NMRK1: variants seen among roughly 807,000 people sequenced by gnomAD.
NMRK1 encodes nicotinamide riboside kinase 1.
A neutral mutation model predicts 29.9 loss-of-function variants in NMRK1; 28 were observed. The observed-to-expected ratio is 0.94, with a 90% CI of 0.69 to 1.28. The LOEUF (loss-of-function observed/expected upper bound fraction) is 1.28. Among genes scored for constraint, NMRK1 ranks in the 50% most tolerant of loss-of-function variants. The pLI, the probability that NMRK1 is intolerant of heterozygous loss-of-function variation, is 0.00. For missense variants in NMRK1, 218 were observed against 233.1 expected, an observed-to-expected ratio of 0.94 and a Z score of 0.42; for synonymous variants, 58 against 73.0, an observed-to-expected ratio of 0.79 and a Z score of 1.05.
intron 1 of NMRK1, among the ~76,000 whole-genome samples, chr9:75,084,236 T>A (rs1270915443): frequency 6.6e-6 from 1 of 151,664 alleles, no homozygotes. Flanking sequence ...CTCAGGGGGG[T>A]TGCCAGGGAC....
intron 4 of NMRK1, among the ~76,000 whole-genome samples, chr9:75,074,088 C>T (rs1417718623): frequency 6.6e-6 from 1 of 151,444 alleles, no homozygotes; most frequent in Non-Finnish European, 1.5e-5. Context: ...GACAGAGTCT[C>T]GCTCTGTTGC....
At chr9:75,079,115 T>C (rs1030662608) in intron 2 of NMRK1, among the ~76,000 whole-genome samples, 1 of 152,118 alleles carries the variant, frequency 6.6e-6, no homozygotes, top group Non-Finnish European at 1.5e-5. Context: ...AAAGGGAAAA[T>C]GAACTAATAT....
intron 1 of NMRK1, chr9:75,087,566 C>T (rs1169429879): frequency 1.3e-5 from 2 of 151,380 alleles, no homozygotes; most frequent in East Asian, 1.9e-4. Flanking sequence ...GTAATTTTCA[C>T]GTGTCACAAA....
chr9:75,070,100 C>G, intron 4 of NMRK1, 58 bp from the exon 5 acceptor site: 1 of 1,442,772 alleles, frequency 6.9e-7, no homozygotes, highest in South Asian at 1.2e-5. Context: ...TGTGATGTGA[C>G]TTTTTGTGAT....
intron 7 of NMRK1, chr9:75,067,106 A>G (rs577203211): frequency 3.3e-6 from 1 of 301,492 alleles, no homozygotes; most frequent in South Asian, 7.2e-5. Flanking sequence ...AGAAAGAAGA[A>G]AGGAGGAAAG....
At chr9:75,066,923 T>C in intron 7 of NMRK1, 83 bp from the exon 8 acceptor site, 1 of 764,974 alleles carries the variant, frequency 1.3e-6, no homozygotes. Flanking sequence ...ACATCTCTTG[T>C]AAATGCCAAT....
At chr9:75,082,135 T>C (rs1587404236) in intron 2 of NMRK1, among the ~76,000 whole-genome samples, 1 of 152,182 alleles carries the variant, frequency 6.6e-6, no homozygotes, top group Non-Finnish European at 1.5e-5. Context: ...ATAATCAAAA[T>C]GTTCTGTATG....
rs560970836 is a variant in NMRK1, at chr9:75,069,833, A to G, written c.318-20T>C. 2.5e-6 allele frequency: 4 copies of G among 1,612,062 alleles called. No homozygotes were observed. The highest frequency in any genetic ancestry group is 3.4e-5 in the Admixed American group (2 of 59,632). ...AGGGGCCTAAAATAACAGCATACTTAGTTCACAAGGGTTTTTATCCCCCCA... is the reference window on the plus strand; with the variant it reads ...AGGGGCCTAAAATAACAGCATACTTGGTTCACAAGGGTTTTTATCCCCCCA... On this transcript the variant is annotated intron_variant, in intron 5 of 8. Transcript: ENST00000361092.
intron 1 of NMRK1, among the ~76,000 whole-genome samples, chr9:75,086,874 G>T (rs1308767840): frequency 2.7e-5 from 4 of 149,260 alleles, no homozygotes; most frequent in Non-Finnish European, 5.9e-5. Flanking sequence ...TTTAAACTTT[G>T]CTCCCTTTTG....
chr9:75,061,700 T>A, intron 8 of NMRK1, 133 bp from the exon 9 acceptor site: 1 of 684,684 alleles, frequency 1.5e-6, no homozygotes, highest in Non-Finnish European at 2.5e-6. Flanking sequence ...TGGTTTCCTG[T>A]AAAGAACTAA....
intron 4 of NMRK1, among the ~76,000 whole-genome samples, chr9:75,072,189 T>C (rs1210741550): frequency 6.6e-6 from 1 of 152,176 alleles, no homozygotes; most frequent in East Asian, 1.9e-4. Flanking sequence ...ACTTCTCCTG[T>C]ATATGTAGGA....
chr9:75,061,451 A>T lies in NMRK1; in HGVS notation c.*97T>A, dbSNP rs1823014377. 1 of 891,814 alleles carries T rather than the reference A, an allele frequency of 1.1e-6. No individual in the cohort carries two copies. The highest frequency in any genetic ancestry group is 1.5e-5 in the South Asian group (1 of 68,436). The allele number at this position is 891,814 out of a possible 1,614,324, so 55.2% of individuals were successfully genotyped here. A position where few individuals can be genotyped will look rare whatever the true frequency, so the allele number is the denominator to read the frequency against. ...TCAAACATATGAAACAATGGCTGTC[A>T]TTGTACCACAGTATACATTGTATCT... is the stretch of plus-strand genomic sequence containing the variant. On this transcript the variant is annotated 3_prime_UTR_variant, in exon 9 of 9. Transcript: ENST00000361092.
At chr9:75,071,789 G>A (rs1823714733) in intron 4 of NMRK1, among the ~76,000 whole-genome samples, 1 of 152,188 alleles carries the variant, frequency 6.6e-6, no homozygotes, top group Non-Finnish European at 1.5e-5. Context: ...CTAGTTGTGG[G>A]TAGAAGTTCA....
chr9:75,082,259 A>C (rs1211665536), intron 2 of NMRK1, among the ~76,000 whole-genome samples: 1 of 152,224 alleles, frequency 6.6e-6, no homozygotes, highest in Non-Finnish European at 1.5e-5. Context: ...GAGAAACACA[A>C]GAGAAGTACT....
At chr9:75,085,836 C>A (rs549359314) in intron 1 of NMRK1, among the ~76,000 whole-genome samples, 1 of 140,810 alleles carries the variant, frequency 7.1e-6, no homozygotes, top group South Asian at 2.3e-4. Flanking sequence ...GCTGGGCATA[C>A]CCTATCAGCT....
intron 2 of NMRK1, chr9:75,078,455 C>A (rs1399881905): frequency 1.3e-6 from 2 of 1,510,384 alleles, no homozygotes; most frequent in South Asian, 1.3e-5. Context: ...ACTGTGAAGT[C>A]CAGGAGAAGG....
At position 75,071,505 on chromosome 9, in the gene NMRK1, G is replaced by A. The variant is rs76563472; in HGVS notation, c.170-1463C>T. ...ATCATGGTATTGGTGTCTGTTGATT[G>A]GTTTTTCTTAGTCAAGTTGAGACTT... On this transcript the variant is annotated intron_variant, in intron 4 of 8. Transcript: ENST00000361092. Among the ~76,000 whole-genome samples, 1,021 of 152,214 alleles carry A rather than the reference G, an allele frequency of 6.7e-3. 15 individuals are homozygous for A. Among genetic ancestry groups the A allele is most frequent in the African/African-American group, 0.023 (974 of 41,508 alleles).
At chr9:75,087,336 C>T (rs905244867) in intron 1 of NMRK1, among the ~76,000 whole-genome samples, 10 of 152,104 alleles carry the variant, frequency 6.6e-5, no homozygotes, top group Admixed American at 5.9e-4. Flanking sequence ...CATTGGCTTC[C>T]TTGTGTGCTC....
In NMRK1 at chr9:75,066,753, T is replaced by A. The variant is rs758670450; in HGVS notation, c.580+4A>T. The A allele has an allele frequency of 1.2e-5, 18 of 1,535,568 alleles. No homozygotes were observed. The East Asian group carries it at 3.4e-4, about 29-fold the overall frequency. ...ACCATCCACTTTGTTAGCACAATAC[T>A]TACACTTTTGCTTTGCTAGTTCTTG... On this transcript the variant is annotated splice_donor_region_variant and intron_variant, in intron 8 of 8. Transcript: ENST00000361092.
Sources: gnomAD v4.1 joint callset for allele counts (sites outside exome capture counted in the v4.1 genomes callset) on GRCh38, gnomAD v4.1.1 for gene constraint, MANE v1.5 for transcripts, NCBI Gene and HGNC (gene_info 2026-07-23, HGNC 2026-07-21) for gene names.